The following TG variants were observed in gnomAD, a reference collection of about 807,000 sequenced individuals.
The protein encoded by TG is thyroid hormones.
A neutral mutation model predicts 324.7 loss-of-function variants in TG; 270 were observed. The ratio of observed to expected loss-of-function variants is 0.83; its 90% CI spans 0.75 to 0.92. TG has a LOEUF of 0.92. TG is among the 40% of genes least tolerant of loss of function. The pLI, the probability that TG is intolerant of heterozygous loss-of-function variation, is 0.00. For missense variants in TG, 3,591 were observed against 3,456.4 expected, an observed-to-expected ratio of 1.04 and a Z score of -0.98; for synonymous variants, 1,401 against 1,327.0, an observed-to-expected ratio of 1.06 and a Z score of -1.21.
At chr8:132,944,288 C>T (rs1824900601) in intron 26 of TG, among the ~76,000 whole-genome samples, 1 of 152,284 alleles carries the variant, frequency 6.6e-6, no homozygotes, top group East Asian at 1.9e-4. Context: ...ATTTTCTTGG[C>T]ACCTGTACCA....
chr8:132,938,889 A>T (rs1261563876), intron 25 of TG, among the ~76,000 whole-genome samples: 2 of 152,032 alleles, frequency 1.3e-5, no homozygotes, highest in African/African-American at 4.8e-5. Context: ...TGTCTCTACT[A>T]AAAATACAAA....
At chr8:133,062,784 G>A (rs748230389) in intron 41 of TG, among the ~76,000 whole-genome samples, 20 of 151,914 alleles carry the variant, frequency 1.3e-4, no homozygotes, top group Non-Finnish European at 2.5e-4. Context: ...GGAAGCATGC[G>A]TATGACATGC....
chr8:132,997,559 G>A (rs954895757), intron 35 of TG, among the ~76,000 whole-genome samples: 1 of 152,098 alleles, frequency 6.6e-6, no homozygotes, highest in Non-Finnish European at 1.5e-5. Context: ...GCACACTGGT[G>A]GCATCTGCTA....
Position 132,873,348 on chromosome 8 carries a change from A to G in TG, c.638+127A>G. The G allele has an allele frequency of 4.6e-6, 6 of 1,308,286 alleles. No individual in the cohort carries two copies. The South Asian group carries it at 7.6e-5, about 17-fold the overall frequency. 81.0% of individuals were successfully genotyped at this position (1,308,286 alleles called of 1,614,324 possible). The stretch of plus-strand genomic sequence containing the variant: ...AGGAATTAAGAGCTGCCTCATTCTC[A>G]TGAGCTGTCCTGGGCATCTAAAGTG... On this transcript the variant is annotated intron_variant, in intron 5 of 47. Transcript: ENST00000220616.
At chr8:132,882,676 G>T in intron 7 of TG, 64 bp downstream of exon 7, 2 of 1,613,792 alleles carry the variant, frequency 1.2e-6, no homozygotes, top group Non-Finnish European at 1.7e-6. Flanking sequence ...GGGTTTCAAA[G>T]TTGCTATGGT....
intron 41 of TG, among the ~76,000 whole-genome samples, chr8:133,076,936 A>G (rs1844976733): frequency 6.6e-6 from 1 of 152,182 alleles, no homozygotes; most frequent in South Asian, 2.1e-4. Context: ...AGCAGATTCT[A>G]CTACTTCCCC....
At position 133,019,596 on chromosome 8, in the gene TG, C is replaced by G. The variant is rs1357494580; in HGVS notation, c.6783-6C>G. ...GTCTTGGAAGTCACCCAGTCTGTAT[C>G]TGCAGGGCCAGCTGCTGGCAGCCAG... is the stretch of plus-strand genomic sequence containing the variant. On this transcript the variant is annotated splice_region_variant and splice_polypyrimidine_tract_variant and intron_variant, in intron 38 of 47. Coordinates refer to ENST00000220616, the MANE Select transcript of TG (RefSeq NM_003235.5). 8 of 1,613,216 alleles carry G rather than the reference C, an allele frequency of 5.0e-6. No individual in the cohort carries two copies. Among genetic ancestry groups the G allele is most frequent in the Middle Eastern group, 1.6e-4 (1 of 6,080 alleles).
intron 40 of TG, among the ~76,000 whole-genome samples, chr8:133,029,409 A>T (rs976478935): frequency 6.6e-6 from 1 of 152,162 alleles, no homozygotes; most frequent in Non-Finnish European, 1.5e-5. Context: ...GAAGGGGTCA[A>T]AGACATGGGG....
chr8:132,898,087 A>G (rs1817379841), intron 12 of TG, 82 bp from the exon 13 acceptor site: 2 of 1,359,354 alleles, frequency 1.5e-6, no homozygotes, highest in African/African-American at 2.9e-5. Flanking sequence ...GCTATGAGTG[A>G]AGAAGGAAAG....
chr8:132,996,880 A>T (rs963619255), intron 35 of TG, among the ~76,000 whole-genome samples: 1 of 152,184 alleles, frequency 6.6e-6, no homozygotes, highest in Non-Finnish European at 1.5e-5. Flanking sequence ...CATACAACAC[A>T]GAGTGTGTTG....
At chr8:133,087,336 T>C (rs1197021755) in intron 41 of TG, among the ~76,000 whole-genome samples, 1 of 152,220 alleles carries the variant, frequency 6.6e-6, no homozygotes, top group Admixed American at 6.5e-5. Context: ...GACAGCCTTT[T>C]TCTAGAGTAT....
At chr8:133,027,830 C>T (rs1836248632) in intron 40 of TG, among the ~76,000 whole-genome samples, 1 of 152,212 alleles carries the variant, frequency 6.6e-6, no homozygotes, top group African/African-American at 2.4e-5. Context: ...CTCATTCCCT[C>T]TAAAGTTTCA....
chr8:132,985,098 T>C (rs975261296), intron 35 of TG, among the ~76,000 whole-genome samples: 3 of 152,188 alleles, frequency 2.0e-5, no homozygotes, highest in Non-Finnish European at 4.4e-5. Flanking sequence ...CTGCTCTATG[T>C]GGGTTCCATA....
At chr8:133,115,677 A>G (rs1850622234) in intron 44 of TG, among the ~76,000 whole-genome samples, 1 of 152,224 alleles carries the variant, frequency 6.6e-6, no homozygotes, top group Admixed American at 6.5e-5. Flanking sequence ...CAAGGAGATA[A>G]AAGAACTGCT....
At chr8:133,081,025 T>G (rs1292424481) in intron 41 of TG, among the ~76,000 whole-genome samples, 1 of 152,280 alleles carries the variant, frequency 6.6e-6, no homozygotes, top group Non-Finnish European at 1.5e-5. Context: ...TTAGGAGTTG[T>G]GTGATCTTGT....
chr8:133,127,106 G>T (rs904229435), intron 45 of TG, among the ~76,000 whole-genome samples: 1 of 152,102 alleles, frequency 6.6e-6, no homozygotes, highest in East Asian at 1.9e-4. Flanking sequence ...GCTTCCCCAT[G>T]CAAAACAGTG....
chr8:133,073,646 C>T (rs1844413165), intron 41 of TG, among the ~76,000 whole-genome samples: 3 of 152,214 alleles, frequency 2.0e-5, no homozygotes, highest in Admixed American at 2.0e-4. Context: ...GTTTAATAGA[C>T]TTGCAGCTCA....
At chr8:133,061,170 C>G (rs1373718725) in intron 41 of TG, among the ~76,000 whole-genome samples, 1 of 152,184 alleles carries the variant, frequency 6.6e-6, no homozygotes, top group Non-Finnish European at 1.5e-5. Context: ...ATGCCACACC[C>G]AGCTAATTTT....
chr8:133,116,767 T>G, intron 45 of TG, 51 bp downstream of exon 45: 1 of 1,502,962 alleles, frequency 6.7e-7, no homozygotes, highest in Non-Finnish European at 9.3e-7. Context: ...GAATGATAAG[T>G]CCCAGTTCGA....
Sources: gnomAD v4.1 joint callset for allele counts (sites outside exome capture counted in the v4.1 genomes callset) on GRCh38, gnomAD v4.1.1 for gene constraint, MANE v1.5 for transcripts, NCBI Gene and HGNC (gene_info 2026-07-23, HGNC 2026-07-21) for gene names.